Variants in NCAPG observed in about 807,000 individuals in gnomAD.
NCAPG encodes the protein non-SMC condensin I complex subunit G, also known as condensin complex subunit 3.
In NCAPG, 69 loss-of-function variants were observed where a neutral mutation model predicts 113.1. The observed-to-expected ratio is 0.61, with a 90% CI of 0.50 to 0.75. NCAPG has a LOEUF of 0.75. NCAPG is among the 30% of genes least tolerant of loss of function. The probability of loss-of-function intolerance (pLI) is 0.00; values close to 1 mark genes in which losing one functional copy is unlikely to be tolerated. For missense variants in NCAPG, 1,058 were observed against 1,177.0 expected (o/e 0.90, Z 1.48); for synonymous variants, 370 against 415.8 (o/e 0.89, Z 1.34).
At position 17,817,410 on chromosome 4, in the gene NCAPG, CCT is replaced by C. The variant is rs780511766; in HGVS notation, c.929_930del (p.Leu310GlnfsTer2). Reference protein sequence around the residue: ...SVLNALFSITPLSELVGLCKN... With the variant: ...SVLNALFSITXLSELVGLCKN... ...TCTCAATGCCTTGTTTTCAATAACT[CCT>C]CTCAGTGAACTGGTGGGACTCTGTA... On this transcript the variant is annotated frameshift_variant, in exon 6 of 21. Transcript: ENST00000251496. LOFTEE classifies it high-confidence loss of function. 6.2e-7 allele frequency: 1 copy of C among 1,614,074 alleles called. No individual in the cohort carries two copies. Among genetic ancestry groups the C allele is most frequent in the Non-Finnish European group, 8.5e-7 (1 of 1,179,990 alleles).
At position 17,817,340 on chromosome 4, in the gene NCAPG, C is replaced by G; in HGVS notation, c.855C>G (p.Leu285=). 6.2e-7 allele frequency: 1 copy of G among 1,614,030 alleles called. No individual in the cohort carries two copies. Among genetic ancestry groups the G allele is most frequent in the Non-Finnish European group, 8.5e-7 (1 of 1,179,958 alleles). ...CTGAAGGAAATATCTTAGAGTTGCT[C>G]CATCGGTTGGATGTAGAAAATTCTT... is the stretch of plus-strand genomic sequence containing the variant. ...RFSEGNILEL[L]HRLDVENSSE... Residue 285 remains leucine (L), a synonymous_variant, in exon 6 of 21, where the codon CTC becomes CTG. Coordinates refer to ENST00000251496, the MANE Select transcript of NCAPG (RefSeq NM_022346.5).
intron 7 of NCAPG, among the ~76,000 whole-genome samples, chr4:17,821,309 A>G (rs919684338): frequency 2.0e-5 from 3 of 152,166 alleles, no homozygotes; most frequent in Non-Finnish European, 2.9e-5. Context: ...TAGAACCCAA[A>G]GGGTGGCTGA....
intron 12 of NCAPG, among the ~76,000 whole-genome samples, chr4:17,830,384 C>T (rs1487853317): frequency 6.6e-6 from 1 of 151,072 alleles, no homozygotes. Flanking sequence ...CAGCGTGAGA[C>T]TCTGTCTCAA....
At chr4:17,817,178 C>A in intron 5 of NCAPG, 83 bp from the exon 6 acceptor site, 1 of 950,042 alleles carries the variant, frequency 1.1e-6, no homozygotes, top group Non-Finnish European at 1.6e-6. Flanking sequence ...TAAATACTGA[C>A]TTTGTTAATT....
At chr4:17,840,253 T>G in intron 18 of NCAPG, 44 bp downstream of exon 18, 1 of 1,459,598 alleles carries the variant, frequency 6.9e-7, no homozygotes, top group Non-Finnish European at 9.1e-7. Context: ...TCTGTTTTTT[T>G]TTTTCCATCT....
In NCAPG at chr4:17,843,381, A is replaced by C; in HGVS notation, c.3004A>C (p.Ser1002Arg). Residue 1002 changes from serine to arginine, a missense_variant, in exon 21 of 21, where the codon AGT becomes CGT. Coordinates refer to ENST00000251496, the MANE Select transcript of NCAPG (RefSeq NM_022346.5). ...AGCCAAAACCGCAGCACTAGAAAAA[A>C]GTAAACTTAACCTTGCCCAATTTCT... ...RRAKTAALEK[S>R]KLNLAQFLNE... 6.2e-7 allele frequency: 1 copy of C among 1,612,152 alleles called. No individual in the cohort carries two copies.
chr4:17,818,063 G>A lies in NCAPG; in HGVS notation c.1093G>A (p.Val365Ile). 6.2e-7 allele frequency: 1 copy of A among 1,612,480 alleles called. No individual in the cohort carries two copies. The highest frequency in any genetic ancestry group is 8.5e-7 in the Non-Finnish European group (1 of 1,179,444). Reference protein sequence around the residue: ...EFLEQILPEPVVYADYLLSYI... With the variant: ...EFLEQILPEPIVYADYLLSYI... ...TTTAGAGCAGATTTTGCCAGAGCCT[G>A]TAGTATATGCAGACTATTTATTGAG... Residue 365 changes from valine (V) to isoleucine (I), a missense_variant, in exon 7 of 21, where the codon GTA becomes ATA. Transcript: ENST00000251496.
chr4:17,842,993 T>C, intron 20 of NCAPG: 1 of 180,426 alleles, frequency 5.5e-6, no homozygotes, highest in South Asian at 1.6e-4. Flanking sequence ...CAAAGAAATC[T>C]CTTTTGGACA....
rs538857594 is a variant in NCAPG, at chr4:17,837,614, T to A, written c.2292-13T>A. ...ATGTTCTGCCAACATACTTTGAATT[T>A]GTTTCTCAATAGGACTAATCAGGAA... On this transcript the variant is annotated splice_polypyrimidine_tract_variant and intron_variant, in intron 15 of 20. Transcript: ENST00000251496. 20 of 1,597,088 alleles carry A rather than the reference T, an allele frequency of 1.3e-5. No homozygotes were observed. Among genetic ancestry groups the A allele is most frequent in the Non-Finnish European group, 1.5e-5 (18 of 1,172,748 alleles).
At chr4:17,813,187 T>G (rs753434519) in intron 3 of NCAPG, 42 bp downstream of exon 3, 1 of 1,520,058 alleles carries the variant, frequency 6.6e-7, no homozygotes, top group East Asian at 2.3e-5. Flanking sequence ...TTTGTTGATT[T>G]TGTTAAATTC....
In NCAPG at chr4:17,813,105, A is replaced by T. The variant is rs1246896962; in HGVS notation, c.504A>T (p.Arg168=). The change falls in exon 3 of 21, where the codon CGA becomes CGT. Residue 168 remains arginine (R), a synonymous_variant. Transcript: ENST00000251496. ...VRIQAVLALS[R]LQDPKDDECP... ...TACAGGCAGTTCTGGCGCTTTCACG[A>T]CTTCAGGATCCCAAGGATGATGAAT... The T allele has an allele frequency of 6.2e-7, 1 of 1,613,980 alleles. No individual in the cohort carries two copies. The highest frequency in any genetic ancestry group is 2.2e-5 in the East Asian group (1 of 44,876).
At chr4:17,831,998 ACTC>A (rs1721886026) in intron 13 of NCAPG, among the ~76,000 whole-genome samples, 1 of 151,714 alleles carries the variant, frequency 6.6e-6, no homozygotes, top group Non-Finnish European at 1.5e-5. Context: ...ATCTGTCTGA[ACTC>A]CTCAGCTTTG....
At chr4:17,824,633 G>A (rs16895825) in intron 9 of NCAPG, among the ~76,000 whole-genome samples, 12,167 of 152,096 alleles carry the variant, frequency 0.08, 1,055 homozygotes, top group African/African-American at 0.22. Flanking sequence ...CAAGAGAAGG[G>A]TTGAGGATTT....
At chr4:17,836,759 C>T (rs992218683) in intron 14 of NCAPG, among the ~76,000 whole-genome samples, 3 of 152,188 alleles carry the variant, frequency 2.0e-5, no homozygotes, top group African/African-American at 7.2e-5. Context: ...AGACAAATTG[C>T]ACTCCTACAT....
chr4:17,839,876 T>C, intron 17 of NCAPG, 39 bp downstream of exon 17: 1 of 1,547,376 alleles, frequency 6.5e-7, no homozygotes, highest in East Asian at 2.3e-5. Context: ...AGTTTGTGTT[T>C]ATATTTATAC....
At chr4:17,814,296 C>A (rs1560221593) in intron 3 of NCAPG, among the ~76,000 whole-genome samples, 1 of 152,092 alleles carries the variant, frequency 6.6e-6, no homozygotes, top group Admixed American at 6.5e-5. Context: ...CTAATTCCCC[C>A]TTGTGTCTTT....
chr4:17,817,749 A>G (rs1721273358), intron 6 of NCAPG, among the ~76,000 whole-genome samples, 190 bp from the exon 7 acceptor site: 1 of 152,056 alleles, frequency 6.6e-6, no homozygotes, highest in Non-Finnish European at 1.5e-5. Flanking sequence ...CCCCTAGTAT[A>G]TGTTTGCTTA....
rs1721852738 is a variant in NCAPG at position 17,831,093 on chromosome 4, A to G, written c.1861A>G (p.Lys621Glu). Residue 621 changes from lysine to glutamate, a missense_variant, in exon 13 of 21, where the codon AAA (lysine) becomes GAA (glutamate). By Grantham distance (56) the Lys-to-Glu change is moderately conservative. Transcript: ENST00000251496. ...ACTACAGAATCAGGATTTTGCAAGGAAACACTTCGTATTACTATTGCAGGT... is the reference window on the plus strand; with the variant it reads ...ACTACAGAATCAGGATTTTGCAAGGGAACACTTCGTATTACTATTGCAGGT... The part of the protein sequence containing the change: ...CGLQNQDFAR[K>E]HFVLLLQVLQ... 6.2e-7 allele frequency: 1 copy of G among 1,613,536 alleles called. No homozygotes were observed. The highest frequency in any genetic ancestry group is 1.1e-5 in the South Asian group (1 of 90,950).
rs1393728827 is a variant in NCAPG at position 17,811,697 on chromosome 4, G to T, written c.111+509G>T. Reference sequence around the variant, plus strand: ...TTAGGGCCTGGCCATTCTTATTTATGTACATACTATTTGTTTGTTTTGAGT... The same window carrying T: ...TTAGGGCCTGGCCATTCTTATTTATTTACATACTATTTGTTTGTTTTGAGT... On this transcript the variant is annotated intron_variant, in intron 1 of 20. Transcript: ENST00000251496. The surrounding 1 kb of genome is among the most constrained non-coding windows in gnomAD (Gnocchi z 5.3). Among the ~76,000 whole-genome samples the T allele has an allele frequency of 1.3e-5, 2 of 152,282 alleles. No homozygotes were observed. Among genetic ancestry groups the T allele is most frequent in the African/African-American group, 4.8e-5 (2 of 41,566 alleles).
Sources: allele counts gnomAD v4.1 joint callset (sites outside exome capture counted in the v4.1 genomes callset), GRCh38; gene constraint gnomAD v4.1.1; non-coding constraint Gnocchi (gnomAD v3.1); transcripts MANE v1.5; gene names NCBI Gene and HGNC (gene_info 2026-07-23, HGNC 2026-07-21).